The following EPS8 variants were observed in gnomAD, a reference collection of about 807,000 sequenced individuals.
EPS8 encodes EGFR pathway substrate 8, signaling adaptor.
In EPS8, 42 loss-of-function variants were observed where a neutral mutation model predicts 103.8. That is an observed-to-expected ratio of 0.40 (90% CI 0.32 to 0.52). EPS8 has a LOEUF of 0.52. Among genes scored for constraint, EPS8 ranks in the 20% least tolerant of loss-of-function variants. The probability of loss-of-function intolerance (pLI) is 0.40; values close to 1 mark genes in which losing one functional copy is unlikely to be tolerated. For synonymous variants in EPS8, 344 were observed against 344.6 expected, an observed-to-expected ratio of 1.00 and a Z score of 0.02; for missense variants, 969 against 1,005.1, an observed-to-expected ratio of 0.96 and a Z score of 0.49.
In EPS8 at chr12:15,779,564, TATCTC is replaced by T. The variant is rs1321792431; in HGVS notation, c.-22+9592_-22+9596del. 6.6e-6 allele frequency among the ~76,000 whole-genome samples: 1 copy of T among 152,220 alleles called. No individual in the cohort carries two copies. The highest frequency in any genetic ancestry group is 2.4e-5 in the African/African-American group (1 of 41,456). ...TCTATTGTTGCATTAAACCAACAAATATCTCAATAATATACATGTATTTCTATAAT... is the reference window on the plus strand; with the variant it reads ...TCTATTGTTGCATTAAACCAACAAATAATAATATACATGTATTTCTATAAT... On this transcript the variant is annotated intron_variant, in intron 1 of 20. Transcript: ENST00000281172. The surrounding 1 kb of genome is among the most constrained non-coding windows in gnomAD (Gnocchi z 4.3).
At chr12:15,788,735 C>A (rs527336318) in intron 1 of EPS8, among the ~76,000 whole-genome samples, 2 of 152,310 alleles carry the variant, frequency 1.3e-5, no homozygotes, top group African/African-American at 4.8e-5. Flanking sequence ...AAAAGAACCC[C>A]TCCCCATTTG....
Position 15,661,344 on chromosome 12 carries a change from T to C in EPS8, c.811-604A>G, listed in dbSNP as rs144288313. The stretch of plus-strand genomic sequence containing the variant: ...CATTCTTCTAATTTAAGACTACAAA[T>C]TGGGGTTAAACTTTTAAGTATAACA... On this transcript the variant is annotated intron_variant, in intron 9 of 20. Transcript: ENST00000281172. Among the ~76,000 whole-genome samples the C allele has an allele frequency of 1.5e-3, 228 of 152,274 alleles. 3 individuals carry two copies. The highest frequency in any genetic ancestry group is 5.1e-3 in the African/African-American group (213 of 41,580).
Position 15,745,870 on chromosome 12 carries a change from C to T in EPS8, c.-22+43291G>A, listed in dbSNP as rs990086463. 3.3e-5 allele frequency among the ~76,000 whole-genome samples: 5 copies of T among 152,176 alleles called. No homozygotes were observed. The highest frequency in any genetic ancestry group is 7.3e-5 in the Non-Finnish European group (5 of 68,034). ...GGGCAAATACGTTGTCCAAATGAAA[C>T]TAGTTAACATTATTAAACTGAATTA... On this transcript the variant is annotated intron_variant, in intron 1 of 20. Coordinates refer to ENST00000281172, the MANE Select transcript of EPS8 (RefSeq NM_004447.6). This position sits in a 1 kb window ranked among gnomAD's most constrained non-coding sequence, Gnocchi z 4.6.
chr12:15,722,552 T>G lies in EPS8; in HGVS notation c.-21-39580A>C, dbSNP rs191787977. Reference sequence around the variant, plus strand: ...TAAATTATTAATACACTGTCAAAATTTCCCTCCCGAGATGTTACACCAACT... The same window carrying G: ...TAAATTATTAATACACTGTCAAAATGTCCCTCCCGAGATGTTACACCAACT... On this transcript the variant is annotated intron_variant, in intron 1 of 20. Transcript: ENST00000281172. Among the ~76,000 whole-genome samples the G allele has an allele frequency of 5.1e-4, 77 of 152,256 alleles. No individual in the cohort carries two copies. In the East Asian group the frequency reaches 0.013, roughly 25 times the overall value.
rs777947382 is a variant in EPS8 at position 15,769,857 on chromosome 12, C to A, written c.-22+19304G>T. On this transcript the variant is annotated intron_variant, in intron 1 of 20. Transcript: ENST00000281172. The surrounding 1 kb of genome is among the most constrained non-coding windows in gnomAD (Gnocchi z 4.6). ...TTCTCAGATGTATTCTGCAGTTATG[C>A]TGATTTTATTCTTAGCAGTTGAATA... is the stretch of plus-strand genomic sequence containing the variant. Among the ~76,000 whole-genome samples the A allele has an allele frequency of 1.3e-5, 2 of 151,978 alleles. No homozygotes were observed. Among genetic ancestry groups the A allele is most frequent in the African/African-American group, 2.4e-5 (1 of 41,396 alleles).
In EPS8 at chr12:15,696,859, A is replaced by C. The variant is rs549936074; in HGVS notation, c.-21-13887T>G. Among the ~76,000 whole-genome samples the C allele has an allele frequency of 6.0e-4, 92 of 152,256 alleles. No homozygotes were observed. The highest frequency in any genetic ancestry group is 1.9e-3 in the African/African-American group (80 of 41,546). On this transcript the variant is annotated intron_variant, in intron 1 of 20. Coordinates refer to ENST00000281172, the MANE Select transcript of EPS8 (RefSeq NM_004447.6). This position sits in a 1 kb window ranked among gnomAD's most constrained non-coding sequence, Gnocchi z 4.8. ...GAAACACACCACTTTATAGTGAATT[A>C]ATAAGTGAAAAAAGGTGTTTGGATT...
chr12:15,646,882 G>C (rs1168202884), intron 15 of EPS8, among the ~76,000 whole-genome samples: 3 of 152,188 alleles, frequency 2.0e-5, no homozygotes, highest in Admixed American at 6.5e-5. Context: ...TTTGTCCGAA[G>C]TATCTTTTAA....
Position 15,777,440 on chromosome 12 carries a change from T to C in EPS8, c.-22+11721A>G, listed in dbSNP as rs1206824146. On this transcript the variant is annotated intron_variant, in intron 1 of 20. Transcript: ENST00000281172. The surrounding 1 kb of genome is among the most constrained non-coding windows in gnomAD (Gnocchi z 4.7). ...GTTAACACATTTATTCCGGACTAGA[T>C]TTCACTCTTTTCATAATGAGATTTT... Among the ~76,000 whole-genome samples the C allele has an allele frequency of 1.3e-5, 2 of 152,182 alleles. No individual in the cohort carries two copies. Among genetic ancestry groups the C allele is most frequent in the African/African-American group, 2.4e-5 (1 of 41,464 alleles).
At chr12:15,633,415 A>G (rs1478180120) in intron 17 of EPS8, among the ~76,000 whole-genome samples, 1 of 152,184 alleles carries the variant, frequency 6.6e-6, no homozygotes, top group Non-Finnish European at 1.5e-5. Context: ...CATAGTTTCA[A>G]TTATTGTTTT....
rs907091129 is a variant in EPS8 at position 15,751,124 on chromosome 12, G to A, written c.-22+38037C>T. On this transcript the variant is annotated intron_variant, in intron 1 of 20. Coordinates refer to ENST00000281172, the MANE Select transcript of EPS8 (RefSeq NM_004447.6). This position sits in a 1 kb window ranked among gnomAD's most constrained non-coding sequence, Gnocchi z 4.3. ...GTAAATCCCAGCTCTTTGGGAGGAC[G>A]AGGCAGGCGGATCACTTGAGGTCAG... is the stretch of plus-strand genomic sequence containing the variant. Among the ~76,000 whole-genome samples, 4 of 152,198 alleles carry A rather than the reference G, an allele frequency of 2.6e-5. No individual in the cohort carries two copies. Among genetic ancestry groups the A allele is most frequent in the East Asian group, 1.9e-4 (1 of 5,162 alleles).
At chr12:15,659,360 T>C (rs1348314456) in intron 10 of EPS8, among the ~76,000 whole-genome samples, 2 of 151,980 alleles carry the variant, frequency 1.3e-5, no homozygotes, top group African/African-American at 4.8e-5. Flanking sequence ...AAAATGATAG[T>C]AGCTTGAACT....
intron 8 of EPS8, among the ~76,000 whole-genome samples, chr12:15,663,976 T>TACAC (rs1555112260): frequency 0.53 from 54,661 of 103,284 alleles, 17,075 homozygotes; most frequent in South Asian, 0.72. Context: ...TATATATATA[T>TACAC]ACACACACAC....
rs1022453811 is a variant in EPS8 at position 15,785,816 on chromosome 12, C to T, written c.-22+3345G>A. Among the ~76,000 whole-genome samples, 2 of 151,898 alleles carry T rather than the reference C, an allele frequency of 1.3e-5. No individual in the cohort carries two copies. Among genetic ancestry groups the T allele is most frequent in the African/African-American group, 4.8e-5 (2 of 41,374 alleles). ...AATGCTTCCAAAAAAACAAAATTCA[C>T]ATTGATGGTAGTATGTCAAAGAGGC... On this transcript the variant is annotated intron_variant, in intron 1 of 20. Transcript: ENST00000281172. This position sits in a 1 kb window ranked among gnomAD's most constrained non-coding sequence, Gnocchi z 4.9.
intron 1 of EPS8, among the ~76,000 whole-genome samples, chr12:15,783,647 T>A (rs967628375): frequency 2.0e-5 from 3 of 146,694 alleles, no homozygotes; most frequent in African/African-American, 7.6e-5. Flanking sequence ...TGATAAGATC[T>A]AAAAGAACTG....
Position 15,624,364 on chromosome 12 carries a change from G to A in EPS8, c.2088C>T (p.His696=). The A allele has an allele frequency of 6.3e-7, 1 of 1,595,218 alleles. No homozygotes were observed. The highest frequency in any genetic ancestry group is 8.6e-7 in the Non-Finnish European group (1 of 1,167,270). Residue 696 remains histidine (H), a synonymous_variant, in exon 19 of 21, where the codon CAC becomes CAT. Coordinates refer to ENST00000281172, the MANE Select transcript of EPS8 (RefSeq NM_004447.6). Reference sequence around the variant, plus strand: ...CGGCACTCCGACCAATGGTCAGTCTGTGGATGAGTTCATCTTGCACTTCCT... The same window carrying A: ...CGGCACTCCGACCAATGGTCAGTCTATGGATGAGTTCATCTTGCACTTCCT... The part of the protein sequence containing the change: ...QMEEVQDELI[H]RLTIGRSAAQ...
intron 3 of EPS8, among the ~76,000 whole-genome samples, chr12:15,681,006 C>T (rs906174895): frequency 2.0e-5 from 3 of 152,026 alleles, no homozygotes; most frequent in Admixed American, 1.3e-4. Flanking sequence ...GAAAGCACTG[C>T]AATACATTTC....
chr12:15,650,769 G>T, intron 14 of EPS8, 54 bp downstream of exon 14: 1 of 1,392,016 alleles, frequency 7.2e-7, no homozygotes. Flanking sequence ...AATTACAAGA[G>T]AATACACAGA....
intron 10 of EPS8, 123 bp from the exon 11 acceptor site, chr12:15,658,708 AC>A: frequency 1.5e-6 from 1 of 685,044 alleles, no homozygotes; most frequent in Non-Finnish European, 2.6e-6. Context: ...CTACCTAGTT[AC>A]CGTGCTACAT....
Position 15,714,305 on chromosome 12 carries a change from A to T in EPS8, c.-21-31333T>A, listed in dbSNP as rs1946503894. Among the ~76,000 whole-genome samples, 1 of 152,214 alleles carries T rather than the reference A, an allele frequency of 6.6e-6. No homozygotes were observed. The highest frequency in any genetic ancestry group is 2.4e-5 in the African/African-American group (1 of 41,454). On this transcript the variant is annotated intron_variant, in intron 1 of 20. Transcript: ENST00000281172. This position sits in a 1 kb window ranked among gnomAD's most constrained non-coding sequence, Gnocchi z 4.1. The stretch of plus-strand genomic sequence containing the variant: ...AGAGCCTATAAAGAACATAAAACTA[A>T]AAAATCTGTATGTTTTATAAAACCA...
Sources: gnomAD v4.1 joint callset for allele counts (sites outside exome capture counted in the v4.1 genomes callset) on GRCh38, gnomAD v4.1.1 for gene constraint, Gnocchi (gnomAD v3.1) non-coding constraint, MANE v1.5 for transcripts, NCBI Gene and HGNC (gene_info 2026-07-23, HGNC 2026-07-21) for gene names.